The following NKAIN2 variants were observed in gnomAD, a reference collection of about 807,000 sequenced individuals.
NKAIN2 encodes the protein sodium/potassium transporting ATPase interacting 2.
In NKAIN2, 14 loss-of-function variants were observed where a neutral mutation model predicts 32.6. The ratio of observed to expected loss-of-function variants is 0.43; its 90% CI spans 0.28 to 0.67. The LOEUF is 0.67. NKAIN2 is among the 30% of genes least tolerant of loss of function. The pLI, the probability that NKAIN2 is intolerant of heterozygous loss-of-function variation, is 0.17. For missense variants in NKAIN2, 198 were observed against 258.3 expected (o/e 0.77, Z 1.60); for synonymous variants, 80 against 87.2 (o/e 0.92, Z 0.46).
At chr6:124,766,486 C>A (rs1011493177) in intron 4 of NKAIN2, among the ~76,000 whole-genome samples, 1 of 152,166 alleles carries the variant, frequency 6.6e-6, no homozygotes, top group Non-Finnish European at 1.5e-5. Context: ...CTCACAAAAT[C>A]ATTGTTGTAT....
chr6:124,488,023 C>A (rs973274393), intron 3 of NKAIN2, among the ~76,000 whole-genome samples: 4 of 152,052 alleles, frequency 2.6e-5, no homozygotes, highest in Admixed American at 2.6e-4. Flanking sequence ...TAATACTACT[C>A]TAGAAATTCC....
chr6:124,017,325 G>A (rs899222423), intron 1 of NKAIN2, among the ~76,000 whole-genome samples: 13 of 152,104 alleles, frequency 8.5e-5, no homozygotes, highest in East Asian at 5.8e-4. Context: ...ATAAGATTTC[G>A]GTGGGGACAC....
At chr6:124,472,418 A>G (rs920756221) in intron 3 of NKAIN2, among the ~76,000 whole-genome samples, 10 of 152,156 alleles carry the variant, frequency 6.6e-5, no homozygotes, top group African/African-American at 2.2e-4. Flanking sequence ...ATAAATACGA[A>G]CAATTACAAC....
intron 4 of NKAIN2, among the ~76,000 whole-genome samples, chr6:124,710,455 G>C (rs9401760): frequency 6.6e-6 from 1 of 150,896 alleles, no homozygotes; most frequent in African/African-American, 2.4e-5. Context: ...TTATTAATGC[G>C]TGGGAGTCTA....
At chr6:124,518,292 TAA>T (rs59600600) in intron 3 of NKAIN2, among the ~76,000 whole-genome samples, 102 of 140,254 alleles carry the variant, frequency 7.3e-4, no homozygotes, top group Non-Finnish European at 8.1e-4. Flanking sequence ...TGATTCTAGT[TAA>T]AAAAAAAAAA....
rs188140748 is a variant in NKAIN2, at chr6:124,197,973, A to G, written c.55-85032A>G. Among the ~76,000 whole-genome samples the G allele has an allele frequency of 4.0e-3, 602 of 151,930 alleles. 1 individual carries two copies. Among genetic ancestry groups the G allele is most frequent in the Middle Eastern group, 6.8e-3 (2 of 292 alleles). On this transcript the variant is annotated intron_variant, in intron 1 of 6. Coordinates refer to ENST00000368417, the MANE Select transcript of NKAIN2 (RefSeq NM_001040214.3). ...GAGATATTTACATCTGAGAAGGGCC[A>G]GCTTTCGAAATCTGCCAGGTTACTA...
chr6:124,432,961 G>A (rs1156836387), intron 3 of NKAIN2, among the ~76,000 whole-genome samples: 1 of 152,116 alleles, frequency 6.6e-6, no homozygotes. Flanking sequence ...CCATGAAGTT[G>A]TGATCCTCTA....
chr6:123,945,281 C>G (rs1488475991), intron 1 of NKAIN2, among the ~76,000 whole-genome samples: 13 of 152,034 alleles, frequency 8.6e-5, no homozygotes, highest in African/African-American at 2.9e-4. Context: ...AATGTTGAGG[C>G]TCTGGTGCAT....
intron 3 of NKAIN2, among the ~76,000 whole-genome samples, chr6:124,568,605 A>G (rs551271746): frequency 6.6e-5 from 10 of 152,226 alleles, no homozygotes; most frequent in African/African-American, 2.4e-4. Context: ...CCATTGATAT[A>G]CTGAATTTAT....
chr6:123,887,720 T>C (rs919334771), intron 1 of NKAIN2, among the ~76,000 whole-genome samples: 1 of 152,150 alleles, frequency 6.6e-6, no homozygotes. Flanking sequence ...CCAGAAAATT[T>C]ATGGAAATTG....
At chr6:124,230,384 A>C (rs1161338833) in intron 1 of NKAIN2, among the ~76,000 whole-genome samples, 2 of 152,222 alleles carry the variant, frequency 1.3e-5, no homozygotes, top group Admixed American at 1.3e-4. Flanking sequence ...TGACAATGTG[A>C]TAGAAAACCA....
chr6:124,733,758 AATAT>A (rs1562353235), intron 4 of NKAIN2, among the ~76,000 whole-genome samples: 2 of 151,862 alleles, frequency 1.3e-5, no homozygotes, highest in East Asian at 1.9e-4. Context: ...TACATATGTA[AATAT>A]ATATATTTAC....
At chr6:123,929,322 G>A (rs1005150758) in intron 1 of NKAIN2, among the ~76,000 whole-genome samples, 7 of 152,094 alleles carry the variant, frequency 4.6e-5, no homozygotes, top group African/African-American at 1.7e-4. Flanking sequence ...GGTGTCCTGG[G>A]ATAAATACTC....
rs768031793 is a variant in NKAIN2, at chr6:124,823,220, G to A, written c.618G>A (p.Met206Ile). 12 of 1,596,760 alleles carry A rather than the reference G, an allele frequency of 7.5e-6. No individual in the cohort carries two copies. Among genetic ancestry groups the A allele is most frequent in the South Asian group, 6.6e-5 (6 of 90,768 alleles). Residue 206 changes from methionine (M) to isoleucine (I), a missense_variant and splice_region_variant, in exon 7 of 7, where the codon ATG (methionine) becomes ATA (isoleucine). Met to Ile is a conservative substitution (Grantham distance 10, BLOSUM62 1). Coordinates refer to ENST00000368417, the MANE Select transcript of NKAIN2 (RefSeq NM_001040214.3). ...TSHLQLQPMY[M>I]SK Reference sequence around the variant, plus strand: ...TAAAAACATCTTTTCTCTCTCTCAGGTCAAAATAATACAGATGACTTCAGT... The same window carrying A: ...TAAAAACATCTTTTCTCTCTCTCAGATCAAAATAATACAGATGACTTCAGT...
In NKAIN2 at chr6:124,047,564, C is replaced by T. The variant is rs770922739; in HGVS notation, c.55-235441C>T. ...CATAGGAGATAGATAGGGCTTCCTCCCCGGCTATTAGGCTGTGCCTTTTCA... is the reference window on the plus strand; with the variant it reads ...CATAGGAGATAGATAGGGCTTCCTCTCCGGCTATTAGGCTGTGCCTTTTCA... On this transcript the variant is annotated intron_variant, in intron 1 of 6. Coordinates refer to ENST00000368417, the MANE Select transcript of NKAIN2 (RefSeq NM_001040214.3). 9.7e-4 allele frequency among the ~76,000 whole-genome samples: 147 copies of T among 152,080 alleles called. 6 individuals carry two copies. Among genetic ancestry groups the T allele is most frequent in the Non-Finnish European group, 2.2e-4 (15 of 67,948 alleles).
chr6:124,427,044 A>G (rs1161691810), intron 3 of NKAIN2, among the ~76,000 whole-genome samples: 1 of 152,202 alleles, frequency 6.6e-6, no homozygotes, highest in African/African-American at 2.4e-5. Flanking sequence ...ACTAATACAC[A>G]TACACTCTGG....
chr6:124,312,634 C>CA (rs1231608794), intron 2 of NKAIN2, among the ~76,000 whole-genome samples: 1 of 152,150 alleles, frequency 6.6e-6, no homozygotes, highest in Non-Finnish European at 1.5e-5. Context: ...TTCATGAGTT[C>CA]AGCTGCCTAG....
intron 1 of NKAIN2, among the ~76,000 whole-genome samples, chr6:124,208,437 C>G (rs1791002539): frequency 6.6e-6 from 1 of 151,570 alleles, no homozygotes; most frequent in African/African-American, 2.4e-5. Flanking sequence ...CTGATGGCAT[C>G]ATAACTGAAC....
chr6:124,720,326 T>C (rs915455652), intron 4 of NKAIN2, among the ~76,000 whole-genome samples: 1 of 152,228 alleles, frequency 6.6e-6, no homozygotes, highest in African/African-American at 2.4e-5. Flanking sequence ...TGGGGATATC[T>C]CACCTTTACC....
Sources: gnomAD v4.1 joint callset for allele counts (sites outside exome capture counted in the v4.1 genomes callset) on GRCh38, gnomAD v4.1.1 for gene constraint, MANE v1.5 for transcripts, NCBI Gene and HGNC (gene_info 2026-07-23, HGNC 2026-07-21) for gene names.